Variants in DCC observed in about 807,000 individuals in gnomAD.
The protein encoded by DCC is DCC netrin 1 receptor, also known as netrin receptor DCC.
DCC carries 58 observed loss-of-function variants against 172.5 expected under a neutral mutation model. The ratio of observed to expected loss-of-function variants is 0.34; its 90% CI spans 0.27 to 0.42. The LOEUF is 0.42. DCC is among the 10% of genes least tolerant of loss of function. The pLI is 1.00. For missense variants in DCC, 1,740 were observed against 1,791.0 expected (o/e 0.97, Z 0.51); for synonymous variants, 709 against 644.5 (o/e 1.10, Z -1.52).
intron 1 of DCC, among the ~76,000 whole-genome samples, chr18:52,638,324 C>G (rs1400443935): frequency 2.0e-5 from 3 of 151,958 alleles, no homozygotes; most frequent in Non-Finnish European, 4.4e-5. Flanking sequence ...ATGATGAATG[C>G]AATGGTACCT....
At chr18:53,288,675 T>C (rs1445466904) in intron 12 of DCC, among the ~76,000 whole-genome samples, 1 of 152,140 alleles carries the variant, frequency 6.6e-6, no homozygotes. Context: ...AACGATTACA[T>C]ATCTAATTGA....
intron 1 of DCC, among the ~76,000 whole-genome samples, chr18:52,679,598 G>T (rs2035708469): frequency 6.6e-6 from 1 of 152,086 alleles, no homozygotes; most frequent in Non-Finnish European, 1.5e-5. Flanking sequence ...ACCCTCCGCA[G>T]GAGAAAAGTC....
chr18:53,491,476 A>G (rs1445057151), intron 26 of DCC, among the ~76,000 whole-genome samples: 1 of 152,046 alleles, frequency 6.6e-6, no homozygotes, highest in African/African-American at 2.4e-5. Context: ...CCCATCATCT[A>G]CATTAGGTAT....
In DCC at chr18:53,173,790, G is replaced by C. The variant is rs1411359702; in HGVS notation, c.1419-5172G>C. Among the ~76,000 whole-genome samples, 48 of 137,474 alleles carry C rather than the reference G, an allele frequency of 3.5e-4. 1 individual carries two copies. The highest frequency in any genetic ancestry group is 1.2e-3 in the African/African-American group (42 of 34,260). The allele number at this position is 137,474 out of a possible 152,430, so 90.2% of individuals were successfully genotyped here. ...ATCAACGAGACAGAAAGTCAACAAG[G>C]ATACCCAGGAATTGAACTCAGCTCT... On this transcript the variant is annotated intron_variant, in intron 8 of 28. Transcript: ENST00000442544.
intron 1 of DCC, among the ~76,000 whole-genome samples, chr18:52,426,054 C>T (rs1024869372): frequency 1.3e-5 from 2 of 152,042 alleles, no homozygotes; most frequent in African/African-American, 2.4e-5. Context: ...ATAGCAATTT[C>T]TATTTCTAAG....
chr18:53,127,151 T>G (rs945594675), intron 7 of DCC, among the ~76,000 whole-genome samples: 3 of 140,788 alleles, frequency 2.1e-5, no homozygotes, highest in Non-Finnish European at 4.6e-5. Context: ...TTTTTTTTTT[T>G]CATTTAAATT....
intron 3 of DCC, among the ~76,000 whole-genome samples, chr18:52,908,261 T>C (rs2039919991): frequency 6.6e-6 from 1 of 152,202 alleles, no homozygotes; most frequent in Non-Finnish European, 1.5e-5. Flanking sequence ...AAAACCTCTC[T>C]TTTGCAGATT....
intron 12 of DCC, among the ~76,000 whole-genome samples, chr18:53,271,905 C>T (rs1022976245): frequency 1.3e-5 from 2 of 152,076 alleles, no homozygotes; most frequent in East Asian, 1.9e-4. Flanking sequence ...TGTCACCTGC[C>T]TATTTTTATA....
At chr18:53,498,951 A>G (rs1049144882) in intron 26 of DCC, among the ~76,000 whole-genome samples, 2 of 152,200 alleles carry the variant, frequency 1.3e-5, no homozygotes, top group East Asian at 1.9e-4. Flanking sequence ...AATTTCACTG[A>G]CATTGCTACT....
intron 2 of DCC, among the ~76,000 whole-genome samples, chr18:52,866,159 G>A (rs182974457): frequency 1.4e-4 from 22 of 152,138 alleles, no homozygotes; most frequent in East Asian, 3.9e-4. Context: ...AATCCTTTCC[G>A]CACTGCTTGT....
At chr18:52,943,582 CA>C (rs1455359872) in intron 5 of DCC, among the ~76,000 whole-genome samples, 1 of 152,030 alleles carries the variant, frequency 6.6e-6, no homozygotes, top group African/African-American at 2.4e-5. Flanking sequence ...ATCATTTACA[CA>C]AGGACCATAT....
intron 9 of DCC, among the ~76,000 whole-genome samples, chr18:53,197,853 AAG>A (rs1421903613): frequency 1.3e-5 from 2 of 152,088 alleles, no homozygotes; most frequent in African/African-American, 2.4e-5. Context: ...AAAACAGAGT[AAG>A]AGAAAGAAAA....
intron 2 of DCC, among the ~76,000 whole-genome samples, chr18:52,754,510 A>G (rs1223708901): frequency 6.6e-6 from 1 of 152,248 alleles, no homozygotes; most frequent in Non-Finnish European, 1.5e-5. Flanking sequence ...ATGTGAGGAT[A>G]CAATGAGACG....
intron 15 of DCC, among the ~76,000 whole-genome samples, chr18:53,347,596 C>T (rs923705801): frequency 6.6e-6 from 1 of 152,136 alleles, no homozygotes; most frequent in Non-Finnish European, 1.5e-5. Context: ...GTTAGAGGAA[C>T]TAAAAATGAC....
At chr18:53,032,954 A>G (rs114563949) in intron 5 of DCC, among the ~76,000 whole-genome samples, 3,920 of 152,258 alleles carry the variant, frequency 0.026, 194 homozygotes, top group African/African-American at 0.089. Flanking sequence ...GCGTAATGGC[A>G]TACCTAGTTG....
intron 1 of DCC, among the ~76,000 whole-genome samples, chr18:52,682,203 A>G (rs1249080734): frequency 1.3e-5 from 2 of 152,076 alleles, no homozygotes; most frequent in African/African-American, 4.8e-5. Flanking sequence ...AAAACACTGA[A>G]TGGTTTTAAT....
At chr18:53,005,104 G>C (rs2041624454) in intron 5 of DCC, among the ~76,000 whole-genome samples, 1 of 152,160 alleles carries the variant, frequency 6.6e-6, no homozygotes. Context: ...GCCCTAGCCA[G>C]ATGGGGGCCC....
chr18:52,458,401 A>G (rs1988524747), intron 1 of DCC, among the ~76,000 whole-genome samples: 1 of 151,990 alleles, frequency 6.6e-6, no homozygotes, highest in Admixed American at 6.6e-5. Flanking sequence ...TGGGTGCAGT[A>G]CTCTATGTCG....
At chr18:52,713,552 C>G (rs2036330145) in intron 1 of DCC, among the ~76,000 whole-genome samples, 1 of 152,188 alleles carries the variant, frequency 6.6e-6, no homozygotes, top group Admixed American at 6.5e-5. Context: ...GCGTGAGATA[C>G]AGGGCAGCCC....
Sources: allele counts gnomAD v4.1 joint callset (sites outside exome capture counted in the v4.1 genomes callset), GRCh38; gene constraint gnomAD v4.1.1; transcripts MANE v1.5; gene names NCBI Gene and HGNC (gene_info 2026-07-23, HGNC 2026-07-21).